Variants in RYK observed in about 807,000 individuals in gnomAD.
The protein encoded by RYK is inactive tyrosine-protein kinase RYK.
RYK carries 21 observed loss-of-function variants against 70.2 expected under a neutral mutation model. The observed-to-expected ratio is 0.30, with a 90% confidence interval of 0.21 to 0.43. RYK has a LOEUF of 0.43. RYK is among the 20% of genes least tolerant of loss of function. The pLI, the probability that RYK is intolerant of heterozygous loss-of-function variation, is 1.00. For synonymous variants in RYK, 267 were observed against 278.0 expected (o/e 0.96, Z 0.39); for missense variants, 604 against 753.3 (o/e 0.80, Z 2.32).
chr3:134,234,207 T>C (rs2015141511), intron 1 of RYK, among the ~76,000 whole-genome samples: 1 of 152,006 alleles, frequency 6.6e-6, no homozygotes, highest in Admixed American at 6.5e-5. Context: ...CCAACTACTG[T>C]CTAAAATAAC....
intron 6 of RYK, among the ~76,000 whole-genome samples, chr3:134,198,454 C>A (rs13084306): frequency 0.01 from 1,551 of 152,302 alleles, 21 homozygotes; most frequent in Non-Finnish European, 0.017. Context: ...AGACTGTGAC[C>A]CCTACATTCC....
chr3:134,183,153 ATCT>A, intron 9 of RYK, 82 bp from the exon 10 acceptor site: 1 of 754,312 alleles, frequency 1.3e-6, no homozygotes. Flanking sequence ...GTAAATAATT[ATCT>A]TGAACTATAA....
At chr3:134,172,288 A>C (rs912050164) in intron 13 of RYK, among the ~76,000 whole-genome samples, 4 of 152,248 alleles carry the variant, frequency 2.6e-5, no homozygotes, top group African/African-American at 9.6e-5. Context: ...AAATGTTTAG[A>C]TGTGAGCTTT....
Position 134,183,087 on chromosome 3 carries a change from AG to A in RYK, c.1103-17del. The A allele has an allele frequency of 1.3e-6, 2 of 1,493,866 alleles. No individual in the cohort carries two copies. The highest frequency in any genetic ancestry group is 1.8e-6 in the Non-Finnish European group (2 of 1,097,170). 92.5% of individuals were successfully genotyped at this position (1,493,866 alleles called of 1,614,324 possible). On this transcript the variant is annotated splice_polypyrimidine_tract_variant and intron_variant, in intron 9 of 14. Transcript: ENST00000623711. The stretch of plus-strand genomic sequence containing the variant: ...GAAGCTTGATCTATATATAAAGAAA[AG>A]AAAATGTCTTGAATAATAATACTAC...
intron 1 of RYK, among the ~76,000 whole-genome samples, chr3:134,232,966 A>T (rs1470407748): frequency 3.3e-5 from 5 of 152,234 alleles, no homozygotes; most frequent in Admixed American, 6.5e-5. Flanking sequence ...AGAATATTTA[A>T]AATGAGCACC....
chr3:134,240,385 T>C (rs1009801102), intron 1 of RYK, among the ~76,000 whole-genome samples: 3 of 152,192 alleles, frequency 2.0e-5, no homozygotes, highest in African/African-American at 7.2e-5. Context: ...TGCCTTATTT[T>C]GAATTTTTGA....
At chr3:134,249,931 T>G (rs533856205) in intron 1 of RYK, among the ~76,000 whole-genome samples, 14 of 148,186 alleles carry the variant, frequency 9.4e-5, no homozygotes, top group African/African-American at 2.0e-4. Flanking sequence ...TTTTTTTTTT[T>G]TTTTTTTTTT....
intron 2 of RYK, among the ~76,000 whole-genome samples, chr3:134,222,074 C>T (rs959014652): frequency 6.6e-6 from 1 of 152,110 alleles, no homozygotes; most frequent in Non-Finnish European, 1.5e-5. Flanking sequence ...CAATCTCCAC[C>T]CCTACACCCA....
intron 1 of RYK, among the ~76,000 whole-genome samples, chr3:134,237,074 A>G (rs2015215763): frequency 1.3e-5 from 2 of 152,206 alleles, no homozygotes; most frequent in South Asian, 4.1e-4. Context: ...AACCAAAGTT[A>G]TTCTTGCAAA....
chr3:134,232,611 T>C (rs950531516), intron 1 of RYK, among the ~76,000 whole-genome samples: 5 of 152,362 alleles, frequency 3.3e-5, no homozygotes, highest in East Asian at 3.9e-4. Flanking sequence ...TTTCTGACTA[T>C]AGGTTTTGAA....
chr3:134,173,828 CAAATT>C (rs2013006662), intron 13 of RYK, among the ~76,000 whole-genome samples: 1 of 152,140 alleles, frequency 6.6e-6, no homozygotes. Context: ...TCCCCTTTCT[CAAATT>C]ATTCTCATTT....
chr3:134,195,394 G>A (rs1056776103), intron 6 of RYK: 109 of 436,212 alleles, frequency 2.5e-4, no homozygotes, highest in African/African-American at 1.6e-3. Flanking sequence ...ATCATTAAGC[G>A]AGTTCATCTT....
At chr3:134,182,101 G>A (rs1204967621) in intron 10 of RYK, among the ~76,000 whole-genome samples, 1 of 151,054 alleles carries the variant, frequency 6.6e-6, no homozygotes, top group Non-Finnish European at 1.5e-5. Context: ...CTTGCAGTGA[G>A]CCAAGATCAC....
At chr3:134,176,877 C>T (rs1047699989) in intron 11 of RYK, among the ~76,000 whole-genome samples, 4 of 151,538 alleles carry the variant, frequency 2.6e-5, no homozygotes, top group Non-Finnish European at 2.9e-5. Flanking sequence ...GGTGAAACCC[C>T]GTCTACTAAA....
At chr3:134,160,090 G>A (rs1262042380) in intron 13 of RYK, among the ~76,000 whole-genome samples, 2 of 152,196 alleles carry the variant, frequency 1.3e-5, no homozygotes, top group African/African-American at 4.8e-5. Flanking sequence ...TACATCCACT[G>A]ATCTGCCGCC....
chr3:134,230,279 G>T (rs2015020239), intron 1 of RYK, among the ~76,000 whole-genome samples: 1 of 152,190 alleles, frequency 6.6e-6, no homozygotes, highest in Non-Finnish European at 1.5e-5. Flanking sequence ...TAGAAACGCG[G>T]TTTCACTATG....
intron 4 of RYK, among the ~76,000 whole-genome samples, chr3:134,209,029 G>C (rs2014307668): frequency 6.6e-6 from 1 of 152,100 alleles, no homozygotes. Flanking sequence ...GACTAAACTT[G>C]TAAGGAGAAC....
intron 2 of RYK, among the ~76,000 whole-genome samples, chr3:134,222,106 C>A (rs1189824632): frequency 2.6e-5 from 4 of 152,168 alleles, no homozygotes; most frequent in Non-Finnish European, 5.9e-5. Context: ...CACAGCAGCA[C>A]AGGCATTATT....
chr3:134,201,918 C>A (rs761422026), intron 6 of RYK, among the ~76,000 whole-genome samples: 3 of 152,158 alleles, frequency 2.0e-5, no homozygotes, highest in Non-Finnish European at 4.4e-5. Context: ...ATAAACCTAT[C>A]ATTCCATCTG....
Sources: gnomAD v4.1 joint callset for allele counts (sites outside exome capture counted in the v4.1 genomes callset) on GRCh38, gnomAD v4.1.1 for gene constraint, MANE v1.5 for transcripts, NCBI Gene and HGNC (gene_info 2026-07-23, HGNC 2026-07-21) for gene names.